Variants in RALGAPA2 observed in about 807,000 individuals in gnomAD.
RALGAPA2 encodes the protein Ral GTPase activating protein catalytic subunit alpha 2.
RALGAPA2 carries 139 observed loss-of-function variants against 230.4 expected under a neutral mutation model. The observed-to-expected ratio is 0.60, with a 90% CI of 0.53 to 0.69. RALGAPA2 has a LOEUF of 0.69. Among genes scored for constraint, RALGAPA2 ranks in the 30% least tolerant of loss-of-function variants. The pLI, the probability that RALGAPA2 is intolerant of heterozygous loss-of-function variation, is 0.00. For synonymous variants in RALGAPA2, 847 were observed against 837.8 expected (o/e 1.01, Z -0.19); for missense variants, 2,163 against 2,276.0 (o/e 0.95, Z 1.01).
intron 37 of RALGAPA2, among the ~76,000 whole-genome samples, chr20:20,440,047 A>C (rs1315192480): frequency 6.6e-6 from 1 of 152,228 alleles, no homozygotes; most frequent in Non-Finnish European, 1.5e-5. Flanking sequence ...AAGTTTTTAC[A>C]AGTCAAATAA....
At chr20:20,609,077 C>A (rs372225611) in intron 14 of RALGAPA2, among the ~76,000 whole-genome samples, 2 of 152,144 alleles carry the variant, frequency 1.3e-5, no homozygotes, top group South Asian at 4.1e-4. Flanking sequence ...TTGCTTACAG[C>A]CTCAACCTCC....
At chr20:20,699,795 T>TA (rs1195049524) in intron 1 of RALGAPA2, among the ~76,000 whole-genome samples, 5 of 151,888 alleles carry the variant, frequency 3.3e-5, no homozygotes, top group Non-Finnish European at 7.4e-5. Context: ...ATTAAATAGT[T>TA]AAAAAAAATG....
At chr20:20,443,384 T>C (rs1277500906) in intron 37 of RALGAPA2, among the ~76,000 whole-genome samples, 2 of 152,208 alleles carry the variant, frequency 1.3e-5, no homozygotes, top group African/African-American at 2.4e-5. Context: ...TCTTCTGACA[T>C]TGCATCATTT....
intron 35 of RALGAPA2, among the ~76,000 whole-genome samples, chr20:20,499,111 C>T (rs1050937234): frequency 6.6e-6 from 1 of 152,156 alleles, no homozygotes; most frequent in African/African-American, 2.4e-5. Context: ...TAGAATAAGA[C>T]AAGGAACTGT....
At chr20:20,591,028 C>T in intron 17 of RALGAPA2, 149 bp downstream of exon 17, 1 of 940,762 alleles carries the variant, frequency 1.1e-6, no homozygotes, top group Non-Finnish European at 1.5e-6. Flanking sequence ...ATTTCATTGC[C>T]ATAAATCACA....
In RALGAPA2 at chr20:20,712,597, C is replaced by CGCT. The variant is rs1403455499; in HGVS notation, c.-120_-118dup. The CGCT allele has an allele frequency of 2.4e-3, 2,903 of 1,224,388 alleles. 57 individuals are homozygous for CGCT. The African/African-American group carries it at 0.037, about 16-fold the overall frequency. 75.8% of individuals were successfully genotyped at this position (1,224,388 alleles called of 1,614,324 possible). On this transcript the variant is annotated 5_prime_UTR_variant, in exon 1 of 40. Coordinates refer to ENST00000202677, the MANE Select transcript of RALGAPA2 (RefSeq NM_020343.4). The surrounding 1 kb of genome is among the most constrained non-coding windows in gnomAD (Gnocchi z 5.5). ...GCGGGCCACTCGCCGCCCCCAGCCC[C>CGCT]GCTGCTGCCGCCGCCGCCGCCGCCG...
At chr20:20,588,853 C>A (rs1312416559) in intron 18 of RALGAPA2, among the ~76,000 whole-genome samples, 1 of 151,332 alleles carries the variant, frequency 6.6e-6, no homozygotes, top group Non-Finnish European at 1.5e-5. Context: ...TAAATAAATG[C>A]CATTTTATGT....
At chr20:20,475,857 C>G (rs746105645) in intron 36 of RALGAPA2, among the ~76,000 whole-genome samples, 6 of 151,988 alleles carry the variant, frequency 3.9e-5, no homozygotes, top group Non-Finnish European at 8.8e-5. Flanking sequence ...TATGAAAAGT[C>G]CAAAGAATTT....
chr20:20,576,110 AT>A (rs1430734071), intron 20 of RALGAPA2, among the ~76,000 whole-genome samples: 1 of 152,014 alleles, frequency 6.6e-6, no homozygotes, highest in East Asian at 1.9e-4. Flanking sequence ...AATAAAATTT[AT>A]TTTTTAAGAA....
At chr20:20,424,274 C>T (rs1361353139) in intron 37 of RALGAPA2, among the ~76,000 whole-genome samples, 1 of 152,170 alleles carries the variant, frequency 6.6e-6, no homozygotes. Flanking sequence ...TGAGAAAATG[C>T]CCCGTGACAC....
chr20:20,605,026 T>C lies in RALGAPA2; in HGVS notation c.2038+149A>G, dbSNP rs891437794. ...ATCTCATTAAGGGAACAGAATGATA[T>C]GAGACACAAATTAATGCCACTATTA... On this transcript the variant is annotated intron_variant, in intron 15 of 39. Transcript: ENST00000202677. 6 of 660,150 alleles carry C rather than the reference T, an allele frequency of 9.1e-6. No individual in the cohort carries two copies. The East Asian group carries it at 1.6e-4, about 18-fold the overall frequency. 40.9% of individuals were successfully genotyped at this position (660,150 alleles called of 1,614,324 possible). A position where few individuals can be genotyped will look rare whatever the true frequency, so the allele number is the denominator to read the frequency against.
intron 37 of RALGAPA2, among the ~76,000 whole-genome samples, chr20:20,455,311 T>A (rs772128947): frequency 6.6e-6 from 1 of 152,190 alleles, no homozygotes; most frequent in Non-Finnish European, 1.5e-5. Context: ...CAAGTATCGA[T>A]CTGCTCTGGC....
chr20:20,415,128 G>C (rs985828668), intron 37 of RALGAPA2, among the ~76,000 whole-genome samples: 1 of 152,256 alleles, frequency 6.6e-6, no homozygotes, highest in Admixed American at 6.5e-5. Context: ...GCAATTTGGA[G>C]CAGTATCATC....
chr20:20,619,243 T>C (rs772336784), intron 12 of RALGAPA2, 34 bp downstream of exon 12: 1 of 1,555,766 alleles, frequency 6.4e-7, no homozygotes, highest in Admixed American at 1.7e-5. Context: ...CTGTAGGCGG[T>C]GGAGGGGTCT....
intron 15 of RALGAPA2, among the ~76,000 whole-genome samples, chr20:20,603,476 C>T (rs920257732): frequency 2.0e-5 from 3 of 152,146 alleles, no homozygotes; most frequent in Admixed American, 1.3e-4. Flanking sequence ...GGCTTCATCA[C>T]GTGACTTACT....
In RALGAPA2 at chr20:20,503,500, G is replaced by A; in HGVS notation, c.5059C>T (p.Leu1687Phe). ...FVAGLGWEVDLSTHCGFMGGL... is the reference protein window; with the variant it reads ...FVAGLGWEVDFSTHCGFMGGL... Reference sequence around the variant, plus strand: ...CCCATGAACCCACAGTGGGTGGAGAGATCCACCTGACAAAGGTCACAAAGA... The same window carrying A: ...CCCATGAACCCACAGTGGGTGGAGAAATCCACCTGACAAAGGTCACAAAGA... The change falls in exon 35 of 40, where the codon CTC (leucine) becomes TTC (phenylalanine). Residue 1687 changes from leucine to phenylalanine, a missense_variant. Physicochemically the swap from Leu to Phe is conservative, Grantham distance 22. Transcript: ENST00000202677. 6.4e-7 allele frequency: 1 copy of A among 1,563,336 alleles called. No individual in the cohort carries two copies. The highest frequency in any genetic ancestry group is 8.7e-7 in the Non-Finnish European group (1 of 1,155,758).
intron 10 of RALGAPA2, among the ~76,000 whole-genome samples, chr20:20,621,141 CAAA>C (rs766431556): frequency 2.0e-5 from 2 of 101,210 alleles, no homozygotes; most frequent in African/African-American, 3.8e-5. Context: ...ACTCAGTCTC[CAAA>C]AAAAAAAAAA....
chr20:20,708,055 G>C (rs979732840), intron 1 of RALGAPA2, among the ~76,000 whole-genome samples: 6 of 151,966 alleles, frequency 3.9e-5, no homozygotes, highest in Non-Finnish European at 5.9e-5. Context: ...GATATGTGCT[G>C]TAAGTATACA....
intron 20 of RALGAPA2, among the ~76,000 whole-genome samples, chr20:20,574,750 T>A (rs189202240): frequency 1.3e-5 from 2 of 152,336 alleles, no homozygotes; most frequent in East Asian, 3.9e-4. Context: ...TCAGGCCCTT[T>A]TTAGACAATT....
Sources: gnomAD v4.1 joint callset for allele counts (sites outside exome capture counted in the v4.1 genomes callset) on GRCh38, gnomAD v4.1.1 for gene constraint, Gnocchi (gnomAD v3.1) non-coding constraint, MANE v1.5 for transcripts, NCBI Gene and HGNC (gene_info 2026-07-23, HGNC 2026-07-21) for gene names.